The following ADAMTS17 variants were observed in gnomAD, a reference collection of about 807,000 sequenced individuals.
The protein encoded by ADAMTS17 is ADAM metallopeptidase with thrombospondin type 1 motif 17.
In ADAMTS17, 113 loss-of-function variants were observed where a neutral mutation model predicts 141.5. That is an observed-to-expected ratio of 0.80 (90% CI 0.69 to 0.93). The LOEUF (loss-of-function observed/expected upper bound fraction) is 0.93. Among genes scored for constraint, ADAMTS17 ranks in the 40% least tolerant of loss-of-function variants. The probability of loss-of-function intolerance (pLI) is 0.00; values close to 1 mark genes in which losing one functional copy is unlikely to be tolerated. For missense variants in ADAMTS17, 1,659 were observed against 1,517.9 expected (o/e 1.09, Z -1.54); for synonymous variants, 768 against 630.6 (o/e 1.22, Z -3.27).
chr15:100,070,001 C>G (rs1463810076), intron 15 of ADAMTS17, among the ~76,000 whole-genome samples: 1 of 150,124 alleles, frequency 6.7e-6, no homozygotes, highest in Non-Finnish European at 1.5e-5. Flanking sequence ...GGAAATCCAT[C>G]TCATGTGCAG....
chr15:100,279,561 G>A (rs1298311204), intron 4 of ADAMTS17, among the ~76,000 whole-genome samples: 1 of 152,126 alleles, frequency 6.6e-6, no homozygotes, highest in African/African-American at 2.4e-5. Flanking sequence ...TTCCATAAGC[G>A]GCCTGACCAT....
chr15:100,059,069 C>G (rs569676686), intron 15 of ADAMTS17, among the ~76,000 whole-genome samples: 2 of 152,200 alleles, frequency 1.3e-5, no homozygotes, highest in African/African-American at 4.8e-5. Context: ...GGAAGAGATG[C>G]CTCTAATTGG....
chr15:99,990,073 T>C (rs2141318090), intron 20 of ADAMTS17, among the ~76,000 whole-genome samples: 1 of 152,322 alleles, frequency 6.6e-6, no homozygotes, highest in African/African-American at 2.4e-5. Context: ...TTTCGCTCTC[T>C]TGACTGAGCT....
chr15:100,258,878 G>C (rs969459471), intron 6 of ADAMTS17, among the ~76,000 whole-genome samples: 1 of 152,192 alleles, frequency 6.6e-6, no homozygotes, highest in African/African-American at 2.4e-5. Flanking sequence ...CGTCATGACT[G>C]CTGATGTCTC....
chr15:100,147,487 C>G (rs2038964161), intron 10 of ADAMTS17, among the ~76,000 whole-genome samples: 1 of 152,200 alleles, frequency 6.6e-6, no homozygotes, highest in East Asian at 1.9e-4. Context: ...TACTGTACTA[C>G]TACTACTACA....
intron 7 of ADAMTS17, among the ~76,000 whole-genome samples, chr15:100,224,165 ATATTCTG>A (rs2042228011): frequency 1.3e-5 from 2 of 152,188 alleles, no homozygotes; most frequent in South Asian, 2.1e-4. Context: ...CCCAGGATTA[ATATTCTG>A]TATCCTTCAA....
rs34003703 is a variant in ADAMTS17 at position 100,116,132 on chromosome 15, T to TAAAAA, written c.1888+710_1888+714dup. On this transcript the variant is annotated intron_variant, in intron 13 of 21. Transcript: ENST00000268070. ...TTTCCTAAAGAAGAACAGTTTTAGG[T>TAAAAA]AAAAAAAAAAAAAAAAAAAAAAAAA... Among the ~76,000 whole-genome samples, 70 of 84,782 alleles carry TAAAAA rather than the reference T, an allele frequency of 8.3e-4. 1 individual carries two copies. Among genetic ancestry groups the TAAAAA allele is most frequent in the African/African-American group, 2.8e-3 (59 of 21,290 alleles). 55.6% of individuals were successfully genotyped at this position (84,782 alleles called of 152,430 possible).
chr15:100,191,711 C>G (rs908610840), intron 8 of ADAMTS17, among the ~76,000 whole-genome samples: 1 of 152,196 alleles, frequency 6.6e-6, no homozygotes, highest in Non-Finnish European at 1.5e-5. Flanking sequence ...CTGGTCACTG[C>G]GGGGGCACCT....
intron 8 of ADAMTS17, among the ~76,000 whole-genome samples, chr15:100,157,827 T>C (rs187553588): frequency 1.6e-4 from 25 of 152,116 alleles, no homozygotes. Flanking sequence ...CAATTAGGGT[T>C]AAAGGAAGAC....
chr15:99,992,909 G>T, intron 20 of ADAMTS17, 139 bp downstream of exon 20: 1 of 1,086,294 alleles, frequency 9.2e-7, no homozygotes, highest in Non-Finnish European at 1.3e-6. Context: ...GGTAGTTGCA[G>T]CGGGTGGAAG....
In ADAMTS17 at chr15:100,184,945, G is replaced by A. The variant is rs144941614; in HGVS notation, c.1181+14373C>T. ...TGTTAATCACTCCTCTATTACATCA[G>A]GCTGATGTCTACTCCTCTGTCTCCA... On this transcript the variant is annotated intron_variant, in intron 8 of 21. Coordinates refer to ENST00000268070, the MANE Select transcript of ADAMTS17 (RefSeq NM_139057.4). Among the ~76,000 whole-genome samples, 463 of 152,290 alleles carry A rather than the reference G, an allele frequency of 3.0e-3. 3 individuals carry two copies. Among genetic ancestry groups the A allele is most frequent in the African/African-American group, 0.01 (432 of 41,560 alleles).
intron 7 of ADAMTS17, among the ~76,000 whole-genome samples, chr15:100,217,223 T>C (rs1222136443): frequency 6.6e-6 from 1 of 152,236 alleles, no homozygotes. Context: ...TTAGTGGTAC[T>C]AGGACAACTG....
Position 100,135,951 on chromosome 15 carries a change from A to C in ADAMTS17, c.1474-2636T>G, listed in dbSNP as rs1196342126. On this transcript the variant is annotated intron_variant, in intron 10 of 21. Transcript: ENST00000268070. ...CACCGCTCATTGGGAACAATGGGGC[A>C]CAATGGGTCCTTTTGGATGCTGAGA... Among the ~76,000 whole-genome samples, 3 of 152,228 alleles carry C rather than the reference A, an allele frequency of 2.0e-5. No individual in the cohort carries two copies. In the East Asian group the frequency reaches 5.8e-4, roughly 29 times the overall value.
chr15:100,254,919 G>A (rs1039566396), intron 6 of ADAMTS17, among the ~76,000 whole-genome samples: 6 of 152,088 alleles, frequency 3.9e-5, no homozygotes, highest in African/African-American at 1.2e-4. Flanking sequence ...CCTAGGTGAC[G>A]GGTTGATCTG....
At position 100,155,354 on chromosome 15, in the gene ADAMTS17, C is replaced by G. The variant is rs544449894; in HGVS notation, c.1182-34G>C. Reference sequence around the variant, plus strand: ...GAAGGAGGAGAGAGGGATGCTTATGCTACAAGCTTCTCATTTCCAGTTCCT... The same window carrying G: ...GAAGGAGGAGAGAGGGATGCTTATGGTACAAGCTTCTCATTTCCAGTTCCT... On this transcript the variant is annotated intron_variant, in intron 8 of 21. Transcript: ENST00000268070. 3 of 1,602,166 alleles carry G rather than the reference C, an allele frequency of 1.9e-6. No individual in the cohort carries two copies. The African/African-American group carries it at 4.0e-5, about 21-fold the overall frequency.
chr15:100,316,966 C>T (rs749717738), intron 3 of ADAMTS17, among the ~76,000 whole-genome samples: 2 of 152,232 alleles, frequency 1.3e-5, no homozygotes, highest in Admixed American at 6.5e-5. Flanking sequence ...CAGTATCTGA[C>T]AGGCTCCACA....
intron 8 of ADAMTS17, among the ~76,000 whole-genome samples, chr15:100,181,393 T>C (rs558415123): frequency 2.0e-5 from 3 of 152,254 alleles, no homozygotes; most frequent in African/African-American, 4.8e-5. Context: ...TCTCTTACCA[T>C]AGCCACCACA....
intron 3 of ADAMTS17, among the ~76,000 whole-genome samples, chr15:100,326,106 G>T (rs1461484501): frequency 6.6e-6 from 1 of 152,208 alleles, no homozygotes; most frequent in Non-Finnish European, 1.5e-5. Flanking sequence ...ACAGCAAAGG[G>T]AACAGAATTG....
At chr15:100,312,309 T>A (rs578132389) in intron 3 of ADAMTS17, among the ~76,000 whole-genome samples, 121 of 152,158 alleles carry the variant, frequency 8.0e-4, no homozygotes, top group Non-Finnish European at 1.5e-3. Flanking sequence ...CAACAGCCAC[T>A]GCTGACTTTG....
Sources: allele counts gnomAD v4.1 joint callset (sites outside exome capture counted in the v4.1 genomes callset), GRCh38; gene constraint gnomAD v4.1.1; transcripts MANE v1.5; gene names NCBI Gene and HGNC (gene_info 2026-07-23, HGNC 2026-07-21).